CHD7: variants seen among roughly 807,000 people sequenced by gnomAD.
CHD7 encodes ATP-dependent chromatin remodeler CHD7.
Under a neutral mutation model 307.3 loss-of-function variants are expected in CHD7, and 24 were observed. The observed-to-expected ratio is 0.08, with a 90% CI of 0.06 to 0.11. The LOEUF is 0.11. Among genes scored for constraint, CHD7 ranks in the 10% least tolerant of loss-of-function variants. The probability of loss-of-function intolerance (pLI) is 1.00; values close to 1 mark genes in which losing one functional copy is unlikely to be tolerated. For missense variants in CHD7, 3,106 were observed against 3,727.1 expected (o/e 0.83, Z 4.34); for synonymous variants, 1,363 against 1,349.9 (o/e 1.01, Z -0.21).
chr8:60,754,286 A>G (rs1432081718), intron 2 of CHD7, among the ~76,000 whole-genome samples: 1 of 152,228 alleles, frequency 6.6e-6, no homozygotes, highest in Non-Finnish European at 1.5e-5. Flanking sequence ...TAAATGATAC[A>G]TACTTAACTT....
chr8:60,830,521 T>A lies in CHD7; in HGVS notation c.3722T>A (p.Leu1241Gln). Reference protein sequence around the residue: ...KGGGQANVPNLLNTMMELRKC... With the variant: ...KGGGQANVPNQLNTMMELRKC... ...GGTGGTCAAGCTAACGTACCTAACC[T>A]ATTAAACACTATGATGGAATTGCGG... The change falls in exon 15 of 38, where the codon CTA (leucine) becomes CAA (glutamine). Residue 1241 changes from leucine (L) to glutamine (Q), a missense_variant. Transcript: ENST00000423902. The A allele has an allele frequency of 6.2e-7, 1 of 1,614,012 alleles. No individual in the cohort carries two copies. The highest frequency in any genetic ancestry group is 8.5e-7 in the Non-Finnish European group (1 of 1,179,868).
At chr8:60,721,972 G>A (rs1807931103) in intron 1 of CHD7, among the ~76,000 whole-genome samples, 1 of 152,178 alleles carries the variant, frequency 6.6e-6, no homozygotes, top group Admixed American at 6.5e-5. Flanking sequence ...TTGGGTTGGG[G>A]TCGGGGATGT....
intron 6 of CHD7, among the ~76,000 whole-genome samples, 172 bp downstream of exon 6, chr8:60,801,765 A>G (rs1349111333): frequency 6.6e-6 from 1 of 152,240 alleles, no homozygotes; most frequent in Non-Finnish European, 1.5e-5. Flanking sequence ...ATTTGACCCC[A>G]GATGAAATTA....
intron 1 of CHD7, among the ~76,000 whole-genome samples, chr8:60,717,942 A>C (rs1302440628): frequency 6.8e-6 from 1 of 147,266 alleles, no homozygotes; most frequent in African/African-American, 2.4e-5. Flanking sequence ...GTTATTTTGG[A>C]GTATACCCCT....
Position 60,861,095 on chromosome 8 carries a change from T to G in CHD7, c.7800T>G (p.Thr2600=), listed in dbSNP as rs772124801. ...DLVEWLKLHP[T]YTVDMPSYVP... is the part of the protein sequence containing the mutation. ...TTGAATGGCTGAAGCTGCACCCTACTTACACTGTTGATATGCCAAGTTATG... is the reference window on the plus strand; with the variant it reads ...TTGAATGGCTGAAGCTGCACCCTACGTACACTGTTGATATGCCAAGTTATG... The change falls in exon 35 of 38, where the codon ACT becomes ACG. Residue 2600 remains threonine (T), a synonymous_variant. Transcript: ENST00000423902. 15 of 1,603,722 alleles carry G rather than the reference T, an allele frequency of 9.4e-6. No individual in the cohort carries two copies. In the Admixed American group the frequency reaches 1.4e-4, roughly 15 times the overall value.
intron 13 of CHD7, among the ~76,000 whole-genome samples, chr8:60,826,751 C>G (rs963015335): frequency 1.3e-5 from 2 of 152,212 alleles, no homozygotes; most frequent in African/African-American, 4.8e-5. Flanking sequence ...CTCGTTGTCC[C>G]CCATCCACGA....
intron 1 of CHD7, among the ~76,000 whole-genome samples, chr8:60,707,565 T>C (rs1807081264): frequency 6.6e-6 from 1 of 152,258 alleles, no homozygotes; most frequent in Non-Finnish European, 1.5e-5. Flanking sequence ...TGAGGGATTT[T>C]AATAGTAACT....
chr8:60,788,711 G>GAGCACC (rs1209653026), intron 3 of CHD7, among the ~76,000 whole-genome samples: 8 of 152,168 alleles, frequency 5.3e-5, no homozygotes, highest in Non-Finnish European at 7.4e-5. Flanking sequence ...GTGCAGGATT[G>GAGCACC]CAGACATCTG....
intron 2 of CHD7, among the ~76,000 whole-genome samples, chr8:60,750,244 G>A (rs547004355): frequency 2.0e-5 from 3 of 152,270 alleles, no homozygotes; most frequent in Non-Finnish European, 2.9e-5. Flanking sequence ...GCCACTTTTG[G>A]TGCTGCATTT....
In CHD7 at chr8:60,794,395, A is replaced by G. The variant is rs114800571; in HGVS notation, c.2097-591A>G. ...AAAAGGGCTAATTGTGATTATCTCA[A>G]AAAACACGTAGCACCAAAATAAAGC... On this transcript the variant is annotated intron_variant, in intron 3 of 37. Transcript: ENST00000423902. Among the ~76,000 whole-genome samples, 574 of 152,350 alleles carry G rather than the reference A, an allele frequency of 3.8e-3. 5 individuals are homozygous for G. The highest frequency in any genetic ancestry group is 0.013 in the African/African-American group (551 of 41,582).
intron 1 of CHD7, among the ~76,000 whole-genome samples, chr8:60,729,673 C>T (rs1288779084): frequency 6.6e-6 from 1 of 152,100 alleles, no homozygotes; most frequent in East Asian, 1.9e-4. Flanking sequence ...TTGATTAAAC[C>T]AAGCACAAAA....
intron 1 of CHD7, among the ~76,000 whole-genome samples, chr8:60,713,729 G>A (rs565560799): frequency 3.0e-4 from 45 of 152,206 alleles, no homozygotes; most frequent in African/African-American, 9.9e-4. Flanking sequence ...GCTGCCTGGG[G>A]TAAACCAGCA....
intron 32 of CHD7, 28 bp from the exon 33 acceptor site, chr8:60,855,947 T>C (rs1046878916): frequency 1.3e-6 from 2 of 1,486,660 alleles, no homozygotes; most frequent in South Asian, 1.2e-5. Context: ...TTTGTTAAAA[T>C]TTCTTGTGAC....
rs1806187992 is a variant in CHD7, at chr8:60,865,279, A to G, written c.8340A>G (p.Ala2780=). Residue 2780 remains alanine, a synonymous_variant, in exon 38 of 38, where the codon GCA becomes GCG. Transcript: ENST00000423902. The surrounding 1 kb of genome is among the most constrained non-coding windows in gnomAD (Gnocchi z 4.3). The part of the protein sequence containing the change: ...AGLMGFPPGL[A]TAATAGGDAK... ...TCATGGGCTTCCCTCCAGGACTGGC[A>G]ACAGCTGCCACCGCCGGAGGCGATG... The G allele has an allele frequency of 6.2e-7, 1 of 1,608,504 alleles. No individual in the cohort carries two copies. The highest frequency in any genetic ancestry group is 8.5e-7 in the Non-Finnish European group (1 of 1,177,692).
intron 2 of CHD7, among the ~76,000 whole-genome samples, chr8:60,758,512 G>A (rs61675430): frequency 0.14 from 21,933 of 151,986 alleles, 2,037 homozygotes; most frequent in East Asian, 0.27. Flanking sequence ...TGAGCTCATG[G>A]GTGTTTTCAA....
chr8:60,854,833 A>G (rs1047104672), intron 32 of CHD7, among the ~76,000 whole-genome samples: 1 of 152,272 alleles, frequency 6.6e-6, no homozygotes, highest in Non-Finnish European at 1.5e-5. Flanking sequence ...AGCATAATGT[A>G]TGGATTATCA....
intron 7 of CHD7, among the ~76,000 whole-genome samples, chr8:60,811,506 C>T (rs1812805168): frequency 6.6e-6 from 1 of 152,174 alleles, no homozygotes; most frequent in East Asian, 1.9e-4. Context: ...TAGGGGTCCT[C>T]CTCATTCTTT....
intron 2 of CHD7, among the ~76,000 whole-genome samples, chr8:60,765,245 GCACA>G (rs995939620): frequency 1.3e-5 from 2 of 150,818 alleles, no homozygotes; most frequent in Non-Finnish European, 3.0e-5. Context: ...ACGCATGCAT[GCACA>G]CACACATGTA....
In CHD7 at chr8:60,739,934, A is replaced by G. The variant is rs532723039; in HGVS notation, c.-174-1325A>G. 2.0e-5 allele frequency among the ~76,000 whole-genome samples: 3 copies of G among 152,308 alleles called. No homozygotes were observed. In the South Asian group the frequency reaches 6.2e-4, roughly 32 times the overall value. On this transcript the variant is annotated intron_variant, in intron 1 of 37. Coordinates refer to ENST00000423902, the MANE Select transcript of CHD7 (RefSeq NM_017780.4). ...TTTTTTTCAAGTGAGCTAGTATCACACAATGCTTAATGTCCTTATAAAAGA... is the reference window on the plus strand; with the variant it reads ...TTTTTTTCAAGTGAGCTAGTATCACGCAATGCTTAATGTCCTTATAAAAGA...
Sources: allele counts gnomAD v4.1 joint callset (sites outside exome capture counted in the v4.1 genomes callset), GRCh38; gene constraint gnomAD v4.1.1; non-coding constraint Gnocchi (gnomAD v3.1); transcripts MANE v1.5; gene names NCBI Gene and HGNC (gene_info 2026-07-23, HGNC 2026-07-21).